The following ENOX1 variants were observed in gnomAD, a reference collection of about 807,000 sequenced individuals.
The protein encoded by ENOX1 is candidate growth-related and time keeping constitutive hydroquinone (NADH) oxidase.
A neutral mutation model predicts 82.5 loss-of-function variants in ENOX1; 42 were observed. That is an observed-to-expected ratio of 0.51 (90% confidence interval 0.40 to 0.66). The LOEUF is 0.66. Ranked by LOEUF, ENOX1 falls within the 30% of genes least tolerant of loss-of-function variation. The pLI is 0.00. For missense variants in ENOX1, 608 were observed against 811.6 expected (o/e 0.75, Z 3.05); for synonymous variants, 271 against 282.2 (o/e 0.96, Z 0.40).
chr13:43,556,310 G>C (rs2079433460), intron 2 of ENOX1, among the ~76,000 whole-genome samples: 1 of 151,868 alleles, frequency 6.6e-6, no homozygotes, highest in Non-Finnish European at 1.5e-5. Context: ...ACATTTTGCA[G>C]AGATTCATAT....
Position 43,616,149 on chromosome 13 carries a change from T to TAG in ENOX1, c.-219+51329_-219+51330insCT, listed in dbSNP as rs1185250604. ...AGATATCTATCTATCTAGATATCTA[T>TAG]ATAGATAGATATCTATCTATCTATC... On this transcript the variant is annotated intron_variant, in intron 2 of 16. Coordinates refer to ENST00000690772, the MANE Select transcript of ENOX1 (RefSeq NM_001347969.2). 7.0e-3 allele frequency among the ~76,000 whole-genome samples: 214 copies of TAG among 30,744 alleles called. 23 individuals are homozygous for TAG. Among genetic ancestry groups the TAG allele is most frequent in the Middle Eastern group, 0.024 (2 of 84 alleles). 20.2% of individuals were successfully genotyped at this position (30,744 alleles called of 152,430 possible).
chr13:43,539,534 A>T (rs1245087593), intron 2 of ENOX1, among the ~76,000 whole-genome samples: 5 of 152,186 alleles, frequency 3.3e-5, no homozygotes, highest in Non-Finnish European at 7.3e-5. Flanking sequence ...TAAATAAATT[A>T]TGATCAACTT....
intron 2 of ENOX1, among the ~76,000 whole-genome samples, chr13:43,606,961 T>A (rs962896389): frequency 3.3e-5 from 5 of 152,144 alleles, no homozygotes; most frequent in Non-Finnish European, 5.9e-5. Flanking sequence ...TGAGCTGAGA[T>A]AGTGCCACTG....
chr13:43,403,767 G>A (rs940132236), intron 5 of ENOX1, among the ~76,000 whole-genome samples: 2 of 152,012 alleles, frequency 1.3e-5, no homozygotes. Flanking sequence ...CTGAGCCCGG[G>A]AAGTTGAAGC....
At position 43,759,699 on chromosome 13, in the gene ENOX1, CT is replaced by C. The variant is rs537865065; in HGVS notation, c.-285+26952del. On this transcript the variant is annotated intron_variant, in intron 1 of 16. Coordinates refer to ENST00000690772, the MANE Select transcript of ENOX1 (RefSeq NM_001347969.2). ...AGTTTAATGATTTTCAAAGGTATGA[CT>C]TTTTTTCATCACCTTGGAAGATGTC... Among the ~76,000 whole-genome samples, 119 of 152,278 alleles carry C rather than the reference CT, an allele frequency of 7.8e-4. 3 individuals are homozygous for C. In the South Asian group the frequency reaches 0.023, roughly 29 times the overall value.
At chr13:43,583,539 T>C (rs1054579887) in intron 2 of ENOX1, among the ~76,000 whole-genome samples, 3 of 152,200 alleles carry the variant, frequency 2.0e-5, no homozygotes, top group African/African-American at 7.2e-5. Flanking sequence ...ATTTTGTATC[T>C]ATGTTTGGAA....
intron 11 of ENOX1, among the ~76,000 whole-genome samples, chr13:43,304,357 TGA>T (rs2046747558): frequency 6.6e-6 from 1 of 152,108 alleles, no homozygotes; most frequent in South Asian, 2.1e-4. Context: ...ATGATGGAAG[TGA>T]GTTTATGGGA....
intron 7 of ENOX1, among the ~76,000 whole-genome samples, chr13:43,358,773 A>C (rs140969972): frequency 6.6e-6 from 1 of 152,188 alleles, no homozygotes; most frequent in Non-Finnish European, 1.5e-5. Flanking sequence ...CCAGTGCCAC[A>C]AACTCACCAG....
chr13:43,472,124 T>C (rs1178950612), intron 3 of ENOX1, among the ~76,000 whole-genome samples: 2 of 151,998 alleles, frequency 1.3e-5, no homozygotes, highest in African/African-American at 4.8e-5. Flanking sequence ...TTATAAAATA[T>C]AAAAAATAAT....
At chr13:43,514,726 T>G (rs2077496782) in intron 2 of ENOX1, among the ~76,000 whole-genome samples, 1 of 152,196 alleles carries the variant, frequency 6.6e-6, no homozygotes, top group Non-Finnish European at 1.5e-5. Flanking sequence ...TCTTTACAAG[T>G]CATACCTTTA....
At chr13:43,384,300 A>G (rs1309232602) in intron 5 of ENOX1, among the ~76,000 whole-genome samples, 2 of 152,226 alleles carry the variant, frequency 1.3e-5, no homozygotes, top group African/African-American at 4.8e-5. Context: ...CAAGCACAGT[A>G]GGAACAAGAA....
At chr13:43,749,232 G>T (rs1039242605) in intron 1 of ENOX1, among the ~76,000 whole-genome samples, 3 of 152,082 alleles carry the variant, frequency 2.0e-5, no homozygotes, top group African/African-American at 7.2e-5. Flanking sequence ...CATACTATTT[G>T]CATGAATGTA....
chr13:43,490,767 C>T (rs536361334), intron 2 of ENOX1, among the ~76,000 whole-genome samples: 5 of 151,642 alleles, frequency 3.3e-5, no homozygotes, highest in African/African-American at 9.8e-5. Flanking sequence ...ACTTTTCAGC[C>T]TCCAGAACTG....
At chr13:43,270,352 A>G (rs1464906838) in intron 12 of ENOX1, among the ~76,000 whole-genome samples, 3 of 152,226 alleles carry the variant, frequency 2.0e-5, no homozygotes, top group African/African-American at 7.2e-5. Context: ...AGCTCTGACT[A>G]TTCAGAGCTT....
chr13:43,370,365 T>G (rs1594186825), intron 5 of ENOX1, among the ~76,000 whole-genome samples: 1 of 151,340 alleles, frequency 6.6e-6, no homozygotes, highest in South Asian at 2.1e-4. Flanking sequence ...AGACTCCATC[T>G]CAAGAAAAAA....
intron 9 of ENOX1, among the ~76,000 whole-genome samples, chr13:43,344,284 C>G (rs1369072750): frequency 6.6e-6 from 1 of 152,150 alleles, no homozygotes; most frequent in Non-Finnish European, 1.5e-5. Flanking sequence ...AGCTGCCCTG[C>G]CCTGGTGGCC....
At chr13:43,281,369 C>T (rs1010998734) in intron 12 of ENOX1, among the ~76,000 whole-genome samples, 1 of 152,150 alleles carries the variant, frequency 6.6e-6, no homozygotes, top group Non-Finnish European at 1.5e-5. Flanking sequence ...TTAAACCAAT[C>T]TCCTCTGCTT....
chr13:43,574,321 T>C (rs2080318296), intron 2 of ENOX1, among the ~76,000 whole-genome samples: 1 of 152,156 alleles, frequency 6.6e-6, no homozygotes, highest in Non-Finnish European at 1.5e-5. Context: ...ATAAAGACGG[T>C]AATCAGGAAA....
chr13:43,287,832 A>G (rs965436720), intron 12 of ENOX1, among the ~76,000 whole-genome samples: 3 of 152,248 alleles, frequency 2.0e-5, no homozygotes, highest in Non-Finnish European at 4.4e-5. Context: ...CCTTTCAAAC[A>G]GGTAGGGCTT....
Sources: allele counts gnomAD v4.1 joint callset (sites outside exome capture counted in the v4.1 genomes callset), GRCh38; gene constraint gnomAD v4.1.1; transcripts MANE v1.5; gene names NCBI Gene and HGNC (gene_info 2026-07-23, HGNC 2026-07-21).